LPGAT1: variants seen among roughly 807,000 people sequenced by gnomAD.
The protein encoded by LPGAT1 is acyl-CoA:lysophosphatidylglycerol acyltransferase 1.
A neutral mutation model predicts 47.5 loss-of-function variants in LPGAT1; 11 were observed. The observed-to-expected ratio is 0.23, with a 90% CI of 0.15 to 0.38. The LOEUF (loss-of-function observed/expected upper bound fraction) is 0.38, where lower values mean the gene tolerates loss of function less well. LPGAT1 is among the 10% of genes least tolerant of loss of function. LPGAT1 has a pLI of 1.00. For synonymous variants in LPGAT1, 138 were observed against 144.2 expected (o/e 0.96, Z 0.31); for missense variants, 293 against 439.0 (o/e 0.67, Z 2.97).
intron 6 of LPGAT1, among the ~76,000 whole-genome samples, chr1:211,753,667 C>G (rs1176450404): frequency 6.6e-6 from 1 of 151,922 alleles, no homozygotes; most frequent in Non-Finnish European, 1.5e-5. Context: ...GTTAATGAAC[C>G]CCCATGTACT....
rs1571745658 is a variant in LPGAT1, at chr1:211,800,190, C to T, written c.239-7000G>A. 2.3e-5 allele frequency among the ~76,000 whole-genome samples: 3 copies of T among 132,580 alleles called. 1 individual carries two copies. The highest frequency in any genetic ancestry group is 7.5e-5 in the African/African-American group (3 of 40,182). 87.0% of individuals were successfully genotyped at this position (132,580 alleles called of 152,430 possible). ...ACTGGAACTACAGGTATGTGTCCAG[C>T]TAATTTTTTTTTTTTTTTTGTATTT... On this transcript the variant is annotated intron_variant, in intron 2 of 7. Transcript: ENST00000366997.
At chr1:211,767,956 C>T (rs1324673560) in intron 6 of LPGAT1, among the ~76,000 whole-genome samples, 1 of 152,152 alleles carries the variant, frequency 6.6e-6, no homozygotes, top group Non-Finnish European at 1.5e-5. Context: ...CTTAGAGTTA[C>T]TCTCAGTTAT....
chr1:211,802,932 T>C (rs1465664631), intron 2 of LPGAT1: 1 of 152,156 alleles, frequency 6.6e-6, no homozygotes, highest in African/African-American at 2.4e-5. Context: ...TCAGATTAAC[T>C]TGGAATTTCT....
chr1:211,781,138 T>C (rs909315868), intron 5 of LPGAT1, among the ~76,000 whole-genome samples: 1 of 152,096 alleles, frequency 6.6e-6, no homozygotes, highest in Non-Finnish European at 1.5e-5. Flanking sequence ...AAGAAAATAA[T>C]ATAGGTAAAA....
chr1:211,783,544 A>C, intron 4 of LPGAT1, 42 bp from the exon 5 acceptor site: 1 of 1,509,128 alleles, frequency 6.6e-7, no homozygotes, highest in Non-Finnish European at 8.9e-7. Context: ...GGTATATCCA[A>C]AATTAAAATG....
At chr1:211,790,228 CATT>C (rs1659054913) in intron 3 of LPGAT1, among the ~76,000 whole-genome samples, 1 of 152,134 alleles carries the variant, frequency 6.6e-6, no homozygotes, top group Non-Finnish European at 1.5e-5. Context: ...GTGCTACTAG[CATT>C]TAGTGTGTGG....
Position 211,830,675 on chromosome 1 carries a change from G to A in LPGAT1, c.-130C>T. ...CGGAAGAAGGCGGTGGCGGGGCCCT[G>A]CCCCGCTCCGGCTGTGGCGCGGCCC... On this transcript the variant is annotated 5_prime_UTR_variant, in exon 1 of 8. Coordinates refer to ENST00000366997, the MANE Select transcript of LPGAT1 (RefSeq NM_014873.3). This position sits in a 1 kb window ranked among gnomAD's most constrained non-coding sequence, Gnocchi z 5.9. 1 of 1,192,178 alleles carries A rather than the reference G, an allele frequency of 8.4e-7. No homozygotes were observed. The highest frequency in any genetic ancestry group is 4.2e-5 in the South Asian group (1 of 23,994). The allele number at this position is 1,192,178 out of a possible 1,614,324, so 73.8% of individuals were successfully genotyped here.
rs1660700528 is a variant in LPGAT1, at chr1:211,830,513, C to T, written c.-28+60G>A. On this transcript the variant is annotated intron_variant, in intron 1 of 7. Transcript: ENST00000366997. The surrounding 1 kb of genome is among the most constrained non-coding windows in gnomAD (Gnocchi z 5.9). ...GACACCCCCTTCCCCGCCCCCAGCG[C>T]CTCCCCTGGCCCGGCTCCGCTGCCG... is the stretch of plus-strand genomic sequence containing the variant. The T allele has an allele frequency of 8.3e-7, 1 of 1,200,230 alleles. No individual in the cohort carries two copies. The highest frequency in any genetic ancestry group is 1.0e-6 in the Non-Finnish European group (1 of 967,144). 74.3% of individuals were successfully genotyped at this position (1,200,230 alleles called of 1,614,324 possible). A position where few individuals can be genotyped will look rare whatever the true frequency, so the allele number is the denominator to read the frequency against.
intron 6 of LPGAT1, among the ~76,000 whole-genome samples, chr1:211,767,979 AC>A (rs577902565): frequency 1.8e-3 from 275 of 152,286 alleles, no homozygotes; most frequent in Admixed American, 2.5e-3. Context: ...CAAAAAGTTG[AC>A]CTAAAAGTTG....
rs767185357 is a variant in LPGAT1, at chr1:211,749,890, C to T, written c.*9G>A. The T allele has an allele frequency of 3.7e-6, 6 of 1,613,330 alleles. No individual in the cohort carries two copies. Among genetic ancestry groups the T allele is most frequent in the South Asian group, 2.2e-5 (2 of 90,940 alleles). ...TCCTACGGTGACCTTGACAAGTCCACGTCAATTCCTAAAACAGGCAATGGT... is the reference window on the plus strand; with the variant it reads ...TCCTACGGTGACCTTGACAAGTCCATGTCAATTCCTAAAACAGGCAATGGT... On this transcript the variant is annotated 3_prime_UTR_variant, in exon 8 of 8. Coordinates refer to ENST00000366997, the MANE Select transcript of LPGAT1 (RefSeq NM_014873.3).
intron 2 of LPGAT1, among the ~76,000 whole-genome samples, chr1:211,808,346 G>A (rs1317744551): frequency 1.1e-4 from 10 of 94,446 alleles, no homozygotes; most frequent in African/African-American, 3.1e-4. Flanking sequence ...GCGAAACTCC[G>A]TCTCAAAAAA....
intron 2 of LPGAT1, among the ~76,000 whole-genome samples, chr1:211,798,694 AAAC>A (rs1029099496): frequency 7.2e-5 from 11 of 152,262 alleles, no homozygotes; most frequent in African/African-American, 1.7e-4. Flanking sequence ...AAAAACAAAC[AAAC>A]AACAACAACA....
In LPGAT1 at chr1:211,785,256, T is replaced by C. The variant is rs540576369; in HGVS notation, c.454-1754A>G. On this transcript the variant is annotated intron_variant, in intron 4 of 7. Coordinates refer to ENST00000366997, the MANE Select transcript of LPGAT1 (RefSeq NM_014873.3). ...CATTTTGTTAGTCAGTTTGCTGAAGTGAACTGATTATGATTAAGATAGCTA... is the reference window on the plus strand; with the variant it reads ...CATTTTGTTAGTCAGTTTGCTGAAGCGAACTGATTATGATTAAGATAGCTA... 8.5e-5 allele frequency among the ~76,000 whole-genome samples: 13 copies of C among 152,306 alleles called. No homozygotes were observed. The East Asian group carries it at 2.5e-3, about 29-fold the overall frequency.
At position 211,830,528 on chromosome 1, in the gene LPGAT1, C is replaced by T; in HGVS notation, c.-28+45G>A. The T allele has an allele frequency of 1.1e-6, 1 of 893,334 alleles. No individual in the cohort carries two copies. The highest frequency in any genetic ancestry group is 5.0e-4 in the Middle Eastern group (1 of 1,992). The allele number at this position is 893,334 out of a possible 1,614,324, so 55.3% of individuals were successfully genotyped here. A position where few individuals can be genotyped will look rare whatever the true frequency, so the allele number is the denominator to read the frequency against. On this transcript the variant is annotated intron_variant, in intron 1 of 7. Coordinates refer to ENST00000366997, the MANE Select transcript of LPGAT1 (RefSeq NM_014873.3). This position sits in a 1 kb window ranked among gnomAD's most constrained non-coding sequence, Gnocchi z 5.9. ...GCCCCCAGCGCCTCCCCTGGCCCGGCTCCGCTGCCGCTCTGGGGCCTGCGA... is the reference window on the plus strand; with the variant it reads ...GCCCCCAGCGCCTCCCCTGGCCCGGTTCCGCTGCCGCTCTGGGGCCTGCGA...
chr1:211,776,508 A>C lies in LPGAT1; in HGVS notation c.854+2410T>G, dbSNP rs116156984. Among the ~76,000 whole-genome samples the C allele has an allele frequency of 5.9e-3, 902 of 152,254 alleles. 12 individuals are homozygous for C. The highest frequency in any genetic ancestry group is 0.02 in the African/African-American group (838 of 41,552). ...CCACTGCACTCTAGCCTGGGCGACA[A>C]AGTGAACCTGTGTCTCAAAAAAAAA... On this transcript the variant is annotated intron_variant, in intron 6 of 7. Transcript: ENST00000366997.
intron 6 of LPGAT1, among the ~76,000 whole-genome samples, chr1:211,763,696 ACC>A (rs1322257905): frequency 6.6e-6 from 1 of 152,114 alleles, no homozygotes; most frequent in East Asian, 1.9e-4. Flanking sequence ...CTCAGATACA[ACC>A]CCTCTGTTTC....
At chr1:211,809,364 C>T (rs113801217) in intron 2 of LPGAT1, among the ~76,000 whole-genome samples, 301 of 152,264 alleles carry the variant, frequency 2.0e-3, no homozygotes, top group African/African-American at 6.9e-3. Context: ...TAACTCCTTT[C>T]ATTTATGTAT....
intron 4 of LPGAT1, among the ~76,000 whole-genome samples, chr1:211,784,561 A>G (rs1333321038): frequency 1.3e-5 from 2 of 151,996 alleles, no homozygotes; most frequent in African/African-American, 2.4e-5. Flanking sequence ...ACAGGAGATA[A>G]GTTAGAAGAC....
At chr1:211,756,175 G>A (rs1657440825) in intron 6 of LPGAT1, among the ~76,000 whole-genome samples, 4 of 152,148 alleles carry the variant, frequency 2.6e-5, no homozygotes, top group Admixed American at 2.6e-4. Flanking sequence ...GGTGGAGGTT[G>A]CAGTGAGCTA....
Sources: allele counts gnomAD v4.1 joint callset (sites outside exome capture counted in the v4.1 genomes callset), GRCh38; gene constraint gnomAD v4.1.1; non-coding constraint Gnocchi (gnomAD v3.1); transcripts MANE v1.5; gene names NCBI Gene and HGNC (gene_info 2026-07-23, HGNC 2026-07-21).